PTPN12: variants seen among roughly 807,000 people sequenced by gnomAD.
PTPN12 encodes tyrosine-protein phosphatase non-receptor type 12.
A neutral mutation model predicts 97.6 loss-of-function variants in PTPN12; 29 were observed. That is an observed-to-expected ratio of 0.30 (90% CI 0.22 to 0.41). The LOEUF (loss-of-function observed/expected upper bound fraction) is 0.41, where lower values mean the gene tolerates loss of function less well. Among genes scored for constraint, PTPN12 ranks in the 10% least tolerant of loss-of-function variants. PTPN12 has a pLI of 1.00. For synonymous variants in PTPN12, 327 were observed against 300.4 expected, an observed-to-expected ratio of 1.09 and a Z score of -0.91; for missense variants, 819 against 926.0, an observed-to-expected ratio of 0.88 and a Z score of 1.50.
At chr7:77,601,447 C>T (rs1300240437) in intron 8 of PTPN12, among the ~76,000 whole-genome samples, 2 of 152,100 alleles carry the variant, frequency 1.3e-5, no homozygotes, top group African/African-American at 2.4e-5. Flanking sequence ...AAGTGATTCT[C>T]CCACTTTGCT....
chr7:77,605,630 T>A (rs1281695259), intron 8 of PTPN12, among the ~76,000 whole-genome samples: 1 of 151,842 alleles, frequency 6.6e-6, no homozygotes, highest in African/African-American at 2.4e-5. Flanking sequence ...TTTCACCACG[T>A]TGGCCAGGCT....
intron 1 of PTPN12, among the ~76,000 whole-genome samples, chr7:77,556,154 G>A (rs1807701850): frequency 6.6e-6 from 1 of 152,098 alleles, no homozygotes; most frequent in Admixed American, 6.5e-5. Flanking sequence ...TCCGCCTCCT[G>A]GGCTCAAGCA....
intron 1 of PTPN12, among the ~76,000 whole-genome samples, chr7:77,558,629 C>T (rs1036223804): frequency 2.0e-5 from 3 of 152,142 alleles, no homozygotes; most frequent in Admixed American, 1.3e-4. Flanking sequence ...GGCCTGCTTA[C>T]AATGTTATCC....
chr7:77,597,450 G>A (rs1422695141), intron 6 of PTPN12, among the ~76,000 whole-genome samples: 1 of 152,282 alleles, frequency 6.6e-6, no homozygotes, highest in African/African-American at 2.4e-5. Context: ...GAATCATACA[G>A]TATGTAGCCT....
intron 11 of PTPN12, among the ~76,000 whole-genome samples, chr7:77,612,702 GC>G (rs1788609822): frequency 6.6e-6 from 1 of 151,570 alleles, no homozygotes; most frequent in Non-Finnish European, 1.5e-5. Context: ...CCTCCCAAGT[GC>G]TAGGATTACA....
intron 8 of PTPN12, 199 bp from the exon 9 acceptor site, chr7:77,607,036 T>C (rs1788398657): frequency 2.5e-6 from 1 of 397,238 alleles, no homozygotes; most frequent in Non-Finnish European, 4.5e-6. Context: ...GGAAAAATCA[T>C]AGTGTATATG....
chr7:77,627,821 A>G (rs1789256191), intron 13 of PTPN12, 146 bp downstream of exon 13: 3 of 740,502 alleles, frequency 4.1e-6, no homozygotes. Context: ...CTAATTTTTT[A>G]ATATAAGCTT....
intron 4 of PTPN12, 167 bp downstream of exon 4, chr7:77,583,817 T>G: frequency 2.1e-6 from 1 of 476,126 alleles, no homozygotes; most frequent in South Asian, 3.2e-5. Flanking sequence ...TCTCATTAAA[T>G]TTTTACAAAC....
chr7:77,608,769 C>CT (rs751507598), intron 9 of PTPN12, among the ~76,000 whole-genome samples: 1 of 152,060 alleles, frequency 6.6e-6, no homozygotes, highest in Non-Finnish European at 1.5e-5. Context: ...TCCTCAAAAA[C>CT]TATAATCATC....
intron 1 of PTPN12, among the ~76,000 whole-genome samples, chr7:77,539,565 T>C (rs1157839024): frequency 2.0e-5 from 3 of 152,188 alleles, no homozygotes; most frequent in Admixed American, 6.5e-5. Context: ...GAAAATACTT[T>C]GAATATTTAA....
chr7:77,625,563 C>CTTTTTTTTTT (rs761274993), intron 12 of PTPN12, among the ~76,000 whole-genome samples: 1 of 27,784 alleles, frequency 3.6e-5, no homozygotes, highest in African/African-American at 2.3e-4. Context: ...CGCTCTCTCT[C>CTTTTTTTTTT]TCTTTTTTTT....
intron 1 of PTPN12, among the ~76,000 whole-genome samples, chr7:77,558,461 T>G (rs1807830276): frequency 6.6e-6 from 1 of 152,200 alleles, no homozygotes; most frequent in South Asian, 2.1e-4. Flanking sequence ...GCAACAATTT[T>G]TGTGAAACAA....
At chr7:77,619,842 A>G (rs922074115) in intron 12 of PTPN12, among the ~76,000 whole-genome samples, 4 of 152,206 alleles carry the variant, frequency 2.6e-5, no homozygotes, top group African/African-American at 9.6e-5. Context: ...CAGGAAGCCT[A>G]TATATAGATG....
chr7:77,569,117 C>T (rs1808371955), intron 1 of PTPN12, among the ~76,000 whole-genome samples: 1 of 152,130 alleles, frequency 6.6e-6, no homozygotes, highest in Non-Finnish European at 1.5e-5. Flanking sequence ...GTCTCATTCT[C>T]ATCCGTTTCC....
rs1169388245 is a variant in PTPN12, at chr7:77,611,166, A to G, written c.939+120A>G. On this transcript the variant is annotated intron_variant, in intron 11 of 17. Transcript: ENST00000248594. ...CATGAGAAGAATATCCAGGACACTT[A>G]ACATTTTTACTTAAACTCATTTCCT... is the stretch of plus-strand genomic sequence containing the variant. 6 of 724,034 alleles carry G rather than the reference A, an allele frequency of 8.3e-6. No homozygotes were observed. In the African/African-American group the frequency reaches 1.1e-4, roughly 13 times the overall value. The allele number at this position is 724,034 out of a possible 1,614,324, so 44.9% of individuals were successfully genotyped here.
chr7:77,594,452 A>G (rs1787963138), intron 6 of PTPN12, among the ~76,000 whole-genome samples: 1 of 152,196 alleles, frequency 6.6e-6, no homozygotes, highest in African/African-American at 2.4e-5. Context: ...GACAGTGTAG[A>G]AACCTAGTTC....
chr7:77,539,727 C>A (rs551690362), intron 1 of PTPN12, among the ~76,000 whole-genome samples: 2 of 152,274 alleles, frequency 1.3e-5, no homozygotes, highest in African/African-American at 4.8e-5. Flanking sequence ...CTCCCAGATT[C>A]AAGCGATGCT....
At chr7:77,554,699 A>G (rs4729531) in intron 1 of PTPN12, among the ~76,000 whole-genome samples, 63,001 of 151,966 alleles carry the variant, frequency 0.41, 14,380 homozygotes, top group East Asian at 0.74. Flanking sequence ...TCTGGGGGAC[A>G]GGGTCTTGCT....
intron 17 of PTPN12, 38 bp from the exon 18 acceptor site, chr7:77,639,181 C>T: frequency 2.6e-6 from 4 of 1,521,408 alleles, no homozygotes; most frequent in Non-Finnish European, 3.6e-6. Flanking sequence ...GAAAGTATTT[C>T]TGAACACTGA....
Sources: allele counts gnomAD v4.1 joint callset (sites outside exome capture counted in the v4.1 genomes callset), GRCh38; gene constraint gnomAD v4.1.1; transcripts MANE v1.5; gene names NCBI Gene and HGNC (gene_info 2026-07-23, HGNC 2026-07-21).